The following GAS7 variants were observed in gnomAD, a reference collection of about 807,000 sequenced individuals.
GAS7 encodes the protein growth arrest-specific protein 7.
Under a neutral mutation model 71.1 loss-of-function variants are expected in GAS7, and 28 were observed. The observed-to-expected ratio is 0.39, with a 90% CI of 0.29 to 0.54. GAS7 has a LOEUF of 0.54. Ranked by LOEUF, GAS7 falls within the 20% of genes least tolerant of loss-of-function variation. The pLI, the probability that GAS7 is intolerant of heterozygous loss-of-function variation, is 0.62. For missense variants in GAS7, 436 were observed against 627.8 expected (o/e 0.69, Z 3.27); for synonymous variants, 258 against 245.8 (o/e 1.05, Z -0.46).
At chr17:10,091,569 G>T (rs1167176597) in intron 1 of GAS7, among the ~76,000 whole-genome samples, 2 of 152,070 alleles carry the variant, frequency 1.3e-5, no homozygotes, top group Non-Finnish European at 2.9e-5. Context: ...TGTATTTTTA[G>T]TAGAGATGGG....
At chr17:9,990,374 G>T (rs569232431) in intron 2 of GAS7, among the ~76,000 whole-genome samples, 1 of 152,210 alleles carries the variant, frequency 6.6e-6, no homozygotes, top group Non-Finnish European at 1.5e-5. Context: ...CGCCCAGAGC[G>T]AGCGAGCCAG....
At chr17:10,064,032 G>A (rs1411953181) in intron 1 of GAS7, among the ~76,000 whole-genome samples, 1 of 152,232 alleles carries the variant, frequency 6.6e-6, no homozygotes, top group Non-Finnish European at 1.5e-5. Flanking sequence ...GCCCTCACCA[G>A]CTCGAACATT....
chr17:9,934,327 G>A (rs997482034), intron 8 of GAS7, 83 bp from the exon 9 acceptor site: 21 of 917,054 alleles, frequency 2.3e-5, no homozygotes, highest in Admixed American at 5.9e-5. Context: ...CCCAGGTCTC[G>A]GGGAGGTATA....
At chr17:10,076,799 C>A (rs943082782) in intron 1 of GAS7, among the ~76,000 whole-genome samples, 3 of 151,722 alleles carry the variant, frequency 2.0e-5, no homozygotes, top group Non-Finnish European at 4.4e-5. Context: ...GAATCCTGTA[C>A]GAGGGCTGCC....
chr17:10,038,753 G>A lies in GAS7; in HGVS notation c.184-18856C>T, dbSNP rs915607523. On this transcript the variant is annotated intron_variant, in intron 1 of 13. Transcript: ENST00000432992. Reference sequence around the variant, plus strand: ...CTTGCTCTGTCACCCAAGCTGGAGTGCAGTGGCGCAATCTCGGCTCACTGC... The same window carrying A: ...CTTGCTCTGTCACCCAAGCTGGAGTACAGTGGCGCAATCTCGGCTCACTGC... Among the ~76,000 whole-genome samples the A allele has an allele frequency of 2.7e-5, 4 of 145,948 alleles. No individual in the cohort carries two copies. In the Admixed American group the frequency reaches 2.8e-4, roughly 10 times the overall value.
Position 9,932,711 on chromosome 17 carries a change from T to C in GAS7, c.885+1455A>G, listed in dbSNP as rs984297483. ...AAAGCAGACCTGAAAAGACTGGGGG[T>C]GGGGTGGAGATAGTCAGAGGGCTCT... On this transcript the variant is annotated intron_variant, in intron 9 of 13. Transcript: ENST00000432992. Among the ~76,000 whole-genome samples, 4 of 151,136 alleles carry C rather than the reference T, an allele frequency of 2.6e-5. No individual in the cohort carries two copies. In the South Asian group the frequency reaches 8.4e-4, roughly 32 times the overall value.
intron 12 of GAS7, among the ~76,000 whole-genome samples, chr17:9,918,526 C>T (rs1269921390): frequency 2.0e-5 from 3 of 152,202 alleles, no homozygotes; most frequent in African/African-American, 4.8e-5. Flanking sequence ...TGGCAATGCA[C>T]CCATGCAGCC....
Position 9,911,870 on chromosome 17 carries a change from C to T in GAS7, c.*5358G>A, listed in dbSNP as rs1047334. On this transcript the variant is annotated 3_prime_UTR_variant, in exon 14 of 14. Coordinates refer to ENST00000432992, the MANE Select transcript of GAS7 (RefSeq NM_201433.2). This position sits in a 1 kb window ranked among gnomAD's most constrained non-coding sequence, Gnocchi z 4.0. ...CTGAGCAGGGGGCATGAACAAGACACAGCTTAGTGGAGTGTTTACCTCAGG... is the reference window on the plus strand; with the variant it reads ...CTGAGCAGGGGGCATGAACAAGACATAGCTTAGTGGAGTGTTTACCTCAGG... The T allele has an allele frequency of 0.61, 141,273 of 231,304 alleles. 44,185 individuals carry two copies. The highest frequency in any genetic ancestry group is 0.77 in the African/African-American group (34,738 of 45,256). The allele number at this position is 231,304 out of a possible 1,614,324, so 14.3% of individuals were successfully genotyped here. A position where few individuals can be genotyped will look rare whatever the true frequency, so the allele number is the denominator to read the frequency against.
At chr17:9,942,648 C>A (rs751747207) in intron 7 of GAS7, among the ~76,000 whole-genome samples, 2 of 152,174 alleles carry the variant, frequency 1.3e-5, no homozygotes, top group African/African-American at 2.4e-5. Flanking sequence ...ACATCCCCCC[C>A]ACTGGTTACG....
At chr17:9,955,278 A>G (rs2069184722) in intron 5 of GAS7, among the ~76,000 whole-genome samples, 1 of 152,206 alleles carries the variant, frequency 6.6e-6, no homozygotes, top group Non-Finnish European at 1.5e-5. Flanking sequence ...CCCCCCGGTT[A>G]CATTTTCCTG....
rs1261705067 is a variant in GAS7 at position 10,013,124 on chromosome 17, A to T, written c.304+6653T>A. ...TCTCAAAAAAAAAAAAAAAAAAATT[A>T]AAAAAAGAGAAACCCAGAGGATCTT... On this transcript the variant is annotated intron_variant, in intron 2 of 13. Transcript: ENST00000432992. Among the ~76,000 whole-genome samples the T allele has an allele frequency of 4.0e-5, 6 of 151,470 alleles. No homozygotes were observed. In the East Asian group the frequency reaches 1.2e-3, roughly 29 times the overall value.
chr17:10,023,473 T>C (rs2072347520), intron 1 of GAS7, among the ~76,000 whole-genome samples: 1 of 151,950 alleles, frequency 6.6e-6, no homozygotes, highest in Non-Finnish European at 1.5e-5. Flanking sequence ...GATAGTGTAG[T>C]ACAGCCATAC....
chr17:10,033,058 A>C (rs1422284493), intron 1 of GAS7, among the ~76,000 whole-genome samples: 4 of 152,188 alleles, frequency 2.6e-5, no homozygotes, highest in Admixed American at 2.6e-4. Context: ...TTGTCAAAGG[A>C]AGGAGTTGAG....
chr17:10,081,006 A>C (rs2073451272), intron 1 of GAS7, among the ~76,000 whole-genome samples: 1 of 152,268 alleles, frequency 6.6e-6, no homozygotes, highest in Non-Finnish European at 1.5e-5. Flanking sequence ...TAATAACAAG[A>C]TGACAGGCTC....
chr17:10,112,599 G>T (rs989894639), intron 1 of GAS7, among the ~76,000 whole-genome samples: 3 of 152,082 alleles, frequency 2.0e-5, no homozygotes, highest in Admixed American at 1.3e-4. Context: ...GCCGGGCATG[G>T]TGGCACATGC....
chr17:10,154,514 A>AC (rs1017147414), intron 1 of GAS7, among the ~76,000 whole-genome samples: 1 of 149,170 alleles, frequency 6.7e-6, no homozygotes, highest in African/African-American at 2.5e-5. Context: ...AAGAAAAACA[A>AC]AAAAAAAAAA....
chr17:10,102,307 G>C (rs1367254825), intron 1 of GAS7, among the ~76,000 whole-genome samples: 16 of 150,046 alleles, frequency 1.1e-4, no homozygotes, highest in Non-Finnish European at 2.4e-4. Context: ...CCTGAATTAT[G>C]CTACACCAAT....
intron 1 of GAS7, among the ~76,000 whole-genome samples, chr17:10,039,081 G>A (rs1171367803): frequency 6.6e-6 from 1 of 152,104 alleles, no homozygotes; most frequent in Admixed American, 6.6e-5. Flanking sequence ...GGTCCAGAGT[G>A]TCACTGGTGC....
intron 2 of GAS7, among the ~76,000 whole-genome samples, chr17:9,987,837 A>C (rs2070700721): frequency 6.6e-6 from 1 of 152,214 alleles, no homozygotes; most frequent in Non-Finnish European, 1.5e-5. Context: ...TCCTGCCTGC[A>C]TTAGCAATAT....
Sources: gnomAD v4.1 joint callset for allele counts (sites outside exome capture counted in the v4.1 genomes callset) on GRCh38, gnomAD v4.1.1 for gene constraint, Gnocchi (gnomAD v3.1) non-coding constraint, MANE v1.5 for transcripts, NCBI Gene and HGNC (gene_info 2026-07-23, HGNC 2026-07-21) for gene names.